The following ZMIZ1 variants were observed in gnomAD, a reference collection of about 807,000 sequenced individuals.
ZMIZ1 encodes the protein zinc finger MIZ domain-containing protein 1.
Under a neutral mutation model 113.9 loss-of-function variants are expected in ZMIZ1, and 17 were observed. That is an observed-to-expected ratio of 0.15 (90% CI 0.10 to 0.22). ZMIZ1 has a LOEUF of 0.22. Among genes scored for constraint, ZMIZ1 ranks in the 10% least tolerant of loss-of-function variants. The probability of loss-of-function intolerance (pLI) is 1.00; values close to 1 mark genes in which losing one functional copy is unlikely to be tolerated. For synonymous variants in ZMIZ1, 607 were observed against 603.1 expected, an observed-to-expected ratio of 1.01 and a Z score of -0.09; for missense variants, 1,059 against 1,477.8, an observed-to-expected ratio of 0.72 and a Z score of 4.65.
chr10:79,166,089 G>A (rs933177674), intron 4 of ZMIZ1, among the ~76,000 whole-genome samples: 6 of 151,644 alleles, frequency 4.0e-5, no homozygotes, highest in Admixed American at 3.3e-4. Context: ...ATCTCTCCCT[G>A]CAGCTCTCTC....
At chr10:79,219,070 G>A (rs1051820516) in intron 7 of ZMIZ1, among the ~76,000 whole-genome samples, 2 of 152,164 alleles carry the variant, frequency 1.3e-5, no homozygotes, top group African/African-American at 4.8e-5. Context: ...CTGCCTGGAT[G>A]TAGGTGGCCA....
chr10:79,267,366 C>A (rs576205511), intron 7 of ZMIZ1, among the ~76,000 whole-genome samples: 1 of 152,344 alleles, frequency 6.6e-6, no homozygotes, highest in East Asian at 1.9e-4. Flanking sequence ...TTCTACAGTA[C>A]TTAGGTGGAG....
At chr10:79,106,137 C>T (rs1165727745) in intron 1 of ZMIZ1, among the ~76,000 whole-genome samples, 1 of 152,222 alleles carries the variant, frequency 6.6e-6, no homozygotes, top group Non-Finnish European at 1.5e-5. Context: ...ACCAAATCCC[C>T]CCACCCCCAG....
At chr10:79,110,225 A>G (rs1156604277) in intron 1 of ZMIZ1, among the ~76,000 whole-genome samples, 1 of 152,218 alleles carries the variant, frequency 6.6e-6, no homozygotes, top group South Asian at 2.1e-4. Flanking sequence ...ATCTCCTGGC[A>G]TGTTGGGAGA....
chr10:79,153,306 G>T (rs1003611850), intron 3 of ZMIZ1, among the ~76,000 whole-genome samples: 2 of 152,218 alleles, frequency 1.3e-5, no homozygotes, highest in Admixed American at 6.5e-5. Context: ...CCTCCATCCC[G>T]TGGTCCTCCT....
chr10:79,294,929 G>A (rs1450848346), intron 12 of ZMIZ1: 1 of 96,880 alleles, frequency 1.0e-5, no homozygotes, highest in African/African-American at 4.1e-5. Flanking sequence ...TCTGAGTTCA[G>A]GAGGGGAGAG....
At chr10:79,107,898 TG>T (rs1367828802) in intron 1 of ZMIZ1, among the ~76,000 whole-genome samples, 1 of 152,202 alleles carries the variant, frequency 6.6e-6, no homozygotes, top group African/African-American at 2.4e-5. Context: ...CACAGAGTCC[TG>T]CCTGAGGGCC....
intron 18 of ZMIZ1, among the ~76,000 whole-genome samples, chr10:79,303,484 A>C: frequency 7.3e-6 from 1 of 136,202 alleles, no homozygotes; most frequent in Admixed American, 7.3e-5. Context: ...AAAAATTGGG[A>C]TGGAGGGACT....
chr10:79,199,273 C>T (rs535815155), intron 4 of ZMIZ1, among the ~76,000 whole-genome samples: 11 of 152,060 alleles, frequency 7.2e-5, no homozygotes, highest in African/African-American at 1.7e-4. Flanking sequence ...TTTGGGAGGC[C>T]GAGGCAGGGG....
chr10:79,148,025 C>T (rs1275670639), intron 3 of ZMIZ1, among the ~76,000 whole-genome samples: 1 of 152,204 alleles, frequency 6.6e-6, no homozygotes, highest in Non-Finnish European at 1.5e-5. Context: ...ATAGATGACA[C>T]CATCTCTGGG....
At chr10:79,242,913 AT>A (rs1849929813) in intron 7 of ZMIZ1, among the ~76,000 whole-genome samples, 1 of 151,268 alleles carries the variant, frequency 6.6e-6, no homozygotes, top group African/African-American at 2.4e-5. Flanking sequence ...CCTCCGATTC[AT>A]ACTCGCTCGC....
chr10:79,245,626 G>T (rs1850145633), intron 7 of ZMIZ1, among the ~76,000 whole-genome samples: 1 of 152,198 alleles, frequency 6.6e-6, no homozygotes, highest in East Asian at 1.9e-4. Context: ...TGAGTCCCTA[G>T]TCTGGAGTCA....
intron 23 of ZMIZ1, among the ~76,000 whole-genome samples, chr10:79,310,687 G>T (rs892637046): frequency 2.0e-5 from 3 of 152,070 alleles, no homozygotes; most frequent in African/African-American, 7.2e-5. Flanking sequence ...CACCTCCTGG[G>T]GCTCCACGTG....
chr10:79,218,491 C>T (rs12243056), intron 7 of ZMIZ1, among the ~76,000 whole-genome samples: 1,609 of 150,704 alleles, frequency 0.011, 29 homozygotes, highest in African/African-American at 0.038. Context: ...ACAACAACAA[C>T]CAAGAAACAA....
chr10:79,239,380 C>T (rs1849718407), intron 7 of ZMIZ1, among the ~76,000 whole-genome samples: 2 of 152,212 alleles, frequency 1.3e-5, no homozygotes, highest in South Asian at 4.1e-4. Context: ...AGGTGGATGG[C>T]CCAGGCAGCT....
chr10:79,297,776 G>A lies in ZMIZ1; in HGVS notation c.1491+86G>A, dbSNP rs1401428281. On this transcript the variant is annotated intron_variant, in intron 14 of 24. Transcript: ENST00000334512. ...TCACTGTTCCTGCTCCAGCCTCTCTGGACATTCAAAGGGGCCCATGGGTGG... is the reference window on the plus strand; with the variant it reads ...TCACTGTTCCTGCTCCAGCCTCTCTAGACATTCAAAGGGGCCCATGGGTGG... 4.7e-6 allele frequency: 6 copies of A among 1,268,832 alleles called. No individual in the cohort carries two copies. The East Asian group carries it at 1.2e-4, about 25-fold the overall frequency. The allele number at this position is 1,268,832 out of a possible 1,614,324, so 78.6% of individuals were successfully genotyped here.
At chr10:79,194,896 C>T (rs1203729208) in intron 4 of ZMIZ1, among the ~76,000 whole-genome samples, 1 of 152,218 alleles carries the variant, frequency 6.6e-6, no homozygotes, top group Non-Finnish European at 1.5e-5. Context: ...GAAGCTTGGT[C>T]CCGAAAGACG....
chr10:79,082,202 C>CGG (rs1842682630), intron 1 of ZMIZ1, among the ~76,000 whole-genome samples: 1 of 152,248 alleles, frequency 6.6e-6, no homozygotes, highest in Non-Finnish European at 1.5e-5. Context: ...CAGAAACACT[C>CGG]GTCCTGGGGG....
At chr10:79,248,471 A>G (rs1288593526) in intron 7 of ZMIZ1, among the ~76,000 whole-genome samples, 1 of 152,196 alleles carries the variant, frequency 6.6e-6, no homozygotes, top group Admixed American at 6.5e-5. Context: ...CCTCAGAGGC[A>G]CTGGGACTCC....
Sources: gnomAD v4.1 joint callset for allele counts (sites outside exome capture counted in the v4.1 genomes callset) on GRCh38, gnomAD v4.1.1 for gene constraint, MANE v1.5 for transcripts, NCBI Gene and HGNC (gene_info 2026-07-23, HGNC 2026-07-21) for gene names.